The following SETD3 variants were observed in gnomAD, a reference collection of about 807,000 sequenced individuals.
SETD3 encodes the protein actin-histidine N-methyltransferase.
A neutral mutation model predicts 63.0 loss-of-function variants in SETD3; 19 were observed. The ratio of observed to expected loss-of-function variants is 0.30; its 90% CI spans 0.21 to 0.44. SETD3 has a LOEUF of 0.44. Ranked by LOEUF, SETD3 falls within the 20% of genes least tolerant of loss-of-function variation. The pLI is 1.00. For missense variants in SETD3, 587 were observed against 728.5 expected (o/e 0.81, Z 2.24); for synonymous variants, 286 against 264.1 (o/e 1.08, Z -0.80).
chr14:99,436,135 C>A (rs776874833), intron 6 of SETD3, among the ~76,000 whole-genome samples: 1 of 151,986 alleles, frequency 6.6e-6, no homozygotes, highest in Non-Finnish European at 1.5e-5. Context: ...TGGGGGAAAC[C>A]GCCTCCATGA....
intron 6 of SETD3, among the ~76,000 whole-genome samples, chr14:99,433,821 T>A (rs149622506): frequency 1.3e-5 from 2 of 151,850 alleles, no homozygotes; most frequent in African/African-American, 4.8e-5. Context: ...AATGAAAACA[T>A]GCTCAACACC....
At chr14:99,399,563 T>A (rs1486566971) in intron 12 of SETD3, among the ~76,000 whole-genome samples, 1 of 152,142 alleles carries the variant, frequency 6.6e-6, no homozygotes, top group African/African-American at 2.4e-5. Flanking sequence ...AATGAAAACA[T>A]GTTTGTGAAA....
intron 1 of SETD3, among the ~76,000 whole-genome samples, chr14:99,466,082 AT>A (rs896570952): frequency 2.6e-5 from 4 of 151,684 alleles, no homozygotes; most frequent in African/African-American, 4.8e-5. Context: ...TTTACTCTAG[AT>A]TTTTTTTTAA....
intron 1 of SETD3, 149 bp from the exon 2 acceptor site, chr14:99,465,962 G>A: frequency 1.9e-6 from 1 of 521,864 alleles, no homozygotes; most frequent in Non-Finnish European, 3.4e-6. Context: ...AAAGAAATGT[G>A]TAGTATTAGT....
chr14:99,412,284 A>G (rs1892037361), intron 8 of SETD3: 1 of 152,890 alleles, frequency 6.5e-6, no homozygotes, highest in African/African-American at 2.4e-5. Context: ...ACCTCTTCCC[A>G]GCTGTGGGGG....
chr14:99,478,893 T>C (rs1896110575), intron 1 of SETD3: 1 of 152,232 alleles, frequency 6.6e-6, no homozygotes, highest in African/African-American at 2.4e-5. Flanking sequence ...CATATTTTTC[T>C]CATTATCCAG....
intron 1 of SETD3, among the ~76,000 whole-genome samples, chr14:99,477,165 A>G (rs1332418270): frequency 6.6e-6 from 1 of 152,138 alleles, no homozygotes; most frequent in Non-Finnish European, 1.5e-5. Flanking sequence ...GTTCACTTCT[A>G]CTTGGAAAGT....
intron 1 of SETD3, among the ~76,000 whole-genome samples, chr14:99,470,369 G>A (rs1895634075): frequency 6.6e-6 from 1 of 152,188 alleles, no homozygotes; most frequent in Admixed American, 6.5e-5. Flanking sequence ...TCTTTGGGCT[G>A]TTTCTCTCCC....
chr14:99,442,478 G>A (rs942962958), intron 6 of SETD3, among the ~76,000 whole-genome samples: 1 of 152,068 alleles, frequency 6.6e-6, no homozygotes, highest in Non-Finnish European at 1.5e-5. Flanking sequence ...GAACTGAGTG[G>A]GTCCACTTAT....
chr14:99,412,819 C>A (rs187462873), intron 8 of SETD3, 132 bp downstream of exon 8: 4 of 649,846 alleles, frequency 6.2e-6, no homozygotes, highest in South Asian at 1.9e-5. Flanking sequence ...GTGGCCGGTT[C>A]GGTTTTGTTT....
At chr14:99,406,682 AAG>A in intron 8 of SETD3, 92 bp from the exon 9 acceptor site, 3 of 1,283,786 alleles carry the variant, frequency 2.3e-6, no homozygotes, top group Non-Finnish European at 3.4e-6. Context: ...TCAGAGGAAA[AAG>A]GGGATCCCAA....
rs965492453 is a variant in SETD3 at position 99,448,777 on chromosome 14, G to A, written c.675+9502C>T. 2.0e-5 allele frequency among the ~76,000 whole-genome samples: 3 copies of A among 152,144 alleles called. No individual in the cohort carries two copies. The East Asian group carries it at 5.8e-4, about 29-fold the overall frequency. On this transcript the variant is annotated intron_variant, in intron 6 of 12. Coordinates refer to ENST00000331768, the MANE Select transcript of SETD3 (RefSeq NM_032233.3). ...ACAAAAAATGTCACATATGGAACAC[G>A]TTTGCTTCTAGGGAAACATTTAAGT...
At chr14:99,421,461 C>T (rs1394629134) in intron 6 of SETD3, among the ~76,000 whole-genome samples, 1 of 151,734 alleles carries the variant, frequency 6.6e-6, no homozygotes, top group African/African-American at 2.4e-5. Flanking sequence ...CAGTCATTTA[C>T]AAGAGAATGT....
At chr14:99,445,245 T>A (rs1894069245) in intron 6 of SETD3, among the ~76,000 whole-genome samples, 1 of 152,242 alleles carries the variant, frequency 6.6e-6, no homozygotes, top group Non-Finnish European at 1.5e-5. Context: ...GGCAACAGAA[T>A]ATACTACGCC....
At chr14:99,454,242 T>C (rs1396540887) in intron 6 of SETD3, among the ~76,000 whole-genome samples, 2 of 152,132 alleles carry the variant, frequency 1.3e-5, no homozygotes, top group East Asian at 3.9e-4. Context: ...CAAGCTGGAA[T>C]GCAGTGGTGT....
rs146854772 is a variant in SETD3, at chr14:99,452,905, A to G, written c.675+5374T>C. Among the ~76,000 whole-genome samples the G allele has an allele frequency of 1.9e-3, 284 of 152,362 alleles. 2 individuals carry two copies. Among genetic ancestry groups the G allele is most frequent in the African/African-American group, 6.4e-3 (268 of 41,576 alleles). ...ATGCAGAGTTTGGTACAGGCCCCCA[A>G]GAAAACTATTTTAAATGGGAAATCA... On this transcript the variant is annotated intron_variant, in intron 6 of 12. Transcript: ENST00000331768.
intron 8 of SETD3, chr14:99,410,281 T>G (rs766284379): frequency 6.2e-7 from 1 of 1,611,268 alleles, no homozygotes; most frequent in African/African-American, 1.3e-5. Context: ...GGGGGACAGG[T>G]TGTTCGGAGA....
chr14:99,398,650 C>T lies in SETD3; in HGVS notation c.*29G>A. On this transcript the variant is annotated 3_prime_UTR_variant, in exon 13 of 13. Transcript: ENST00000331768. Reference sequence around the variant, plus strand: ...GGACTGTCCGTCAACTCCTGCTCCACTGGATCCCCCATCCAGCTTCACCTC... The same window carrying T: ...GGACTGTCCGTCAACTCCTGCTCCATTGGATCCCCCATCCAGCTTCACCTC... 6.3e-7 allele frequency: 1 copy of T among 1,598,988 alleles called. No homozygotes were observed. Among genetic ancestry groups the T allele is most frequent in the Non-Finnish European group, 8.6e-7 (1 of 1,168,960 alleles).
At chr14:99,414,085 T>C in intron 6 of SETD3, 151 bp from the exon 7 acceptor site, 1 of 683,450 alleles carries the variant, frequency 1.5e-6, no homozygotes, top group Non-Finnish European at 2.6e-6. Flanking sequence ...AGAGGGATCA[T>C]CGCGCTGTTA....
Sources: gnomAD v4.1 joint callset for allele counts (sites outside exome capture counted in the v4.1 genomes callset) on GRCh38, gnomAD v4.1.1 for gene constraint, MANE v1.5 for transcripts, NCBI Gene and HGNC (gene_info 2026-07-23, HGNC 2026-07-21) for gene names.